ATP13A4: variants seen among roughly 807,000 people sequenced by gnomAD.
ATP13A4 encodes the protein ATPase 13A4.
ATP13A4 carries 114 observed loss-of-function variants against 142.5 expected under a neutral mutation model. That is an observed-to-expected ratio of 0.80 (90% CI 0.69 to 0.93). The LOEUF is 0.93. Among genes scored for constraint, ATP13A4 ranks in the 40% least tolerant of loss-of-function variants. ATP13A4 has a pLI of 0.00. For missense variants in ATP13A4, 1,392 were observed against 1,454.0 expected (o/e 0.96, Z 0.69); for synonymous variants, 488 against 514.8 (o/e 0.95, Z 0.70).
At chr3:193,575,362 A>C (rs1724369257) in intron 2 of ATP13A4, among the ~76,000 whole-genome samples, 1 of 152,198 alleles carries the variant, frequency 6.6e-6, no homozygotes, top group Admixed American at 6.5e-5. Context: ...TACTTTGAAA[A>C]GCCCATTAGG....
At chr3:193,490,564 C>G (rs965341707) in intron 6 of ATP13A4, among the ~76,000 whole-genome samples, 4 of 152,176 alleles carry the variant, frequency 2.6e-5, no homozygotes. Flanking sequence ...AGCTTTAATT[C>G]TGCTTTGGTC....
At chr3:193,482,228 T>C (rs897523146) in intron 8 of ATP13A4, among the ~76,000 whole-genome samples, 1 of 152,124 alleles carries the variant, frequency 6.6e-6, no homozygotes, top group African/African-American at 2.4e-5. Flanking sequence ...TATTGGAACA[T>C]TTGGATATCT....
At position 193,400,919 on chromosome 3, in the gene ATP13A4, G is replaced by A. The variant is rs1344539019; in HGVS notation, c.*1733C>T. ...AACTGCCATATCATTGCTGAGGCTG[G>A]CTTTGCAAAAGGAAACATTTCTTTC... On this transcript the variant is annotated 3_prime_UTR_variant, in exon 30 of 30. Coordinates refer to ENST00000342695, the MANE Select transcript of ATP13A4 (RefSeq NM_032279.4). 1.3e-5 allele frequency among the ~76,000 whole-genome samples: 2 copies of A among 152,172 alleles called. No individual in the cohort carries two copies. Among genetic ancestry groups the A allele is most frequent in the Non-Finnish European group, 2.9e-5 (2 of 68,022 alleles).
At chr3:193,428,648 G>A (rs554626970) in intron 25 of ATP13A4, among the ~76,000 whole-genome samples, 92 of 151,996 alleles carry the variant, frequency 6.1e-4, no homozygotes, top group African/African-American at 2.2e-3. Flanking sequence ...GTAGAGACAT[G>A]GATGAAGCTG....
At chr3:193,514,054 T>C (rs983512511) in intron 2 of ATP13A4, among the ~76,000 whole-genome samples, 1 of 152,252 alleles carries the variant, frequency 6.6e-6, no homozygotes, top group Non-Finnish European at 1.5e-5. Flanking sequence ...GAAATCGCTC[T>C]TCTTGATCAA....
At chr3:193,537,444 C>T (rs1260149114) in intron 1 of ATP13A4, among the ~76,000 whole-genome samples, 1 of 152,126 alleles carries the variant, frequency 6.6e-6, no homozygotes, top group Admixed American at 6.5e-5. Flanking sequence ...TAATGGATCA[C>T]ACATTTAAAT....
intron 1 of ATP13A4, among the ~76,000 whole-genome samples, chr3:193,526,676 C>T (rs922292941): frequency 1.3e-5 from 2 of 151,930 alleles, no homozygotes; most frequent in South Asian, 4.1e-4. Flanking sequence ...ATCCTGTAAA[C>T]TTCAAAAATA....
At chr3:193,514,475 T>C (rs1252485658) in intron 2 of ATP13A4, among the ~76,000 whole-genome samples, 1 of 150,540 alleles carries the variant, frequency 6.6e-6, no homozygotes, top group Non-Finnish European at 1.5e-5. Flanking sequence ...ATTTATCCAG[T>C]CTATCACTGA....
Position 193,421,121 on chromosome 3 carries a change from T to G in ATP13A4, c.2843-6371A>C, listed in dbSNP as rs149088236. Among the ~76,000 whole-genome samples the G allele has an allele frequency of 6.2e-3, 930 of 149,912 alleles. 59 individuals carry two copies. Among genetic ancestry groups the G allele is most frequent in the African/African-American group, 0.022 (886 of 40,874 alleles). ...AGATTCTCATCATGGCACATTATAA[T>G]AAATTGTCAAAATAAAGGACAAAGA... On this transcript the variant is annotated intron_variant, in intron 25 of 29. Transcript: ENST00000342695.
chr3:193,404,685 G>C (rs1714406416), intron 29 of ATP13A4, among the ~76,000 whole-genome samples: 1 of 152,032 alleles, frequency 6.6e-6, no homozygotes, highest in Non-Finnish European at 1.5e-5. Flanking sequence ...CGCCATGATT[G>C]AAAGTTTCTT....
At chr3:193,462,115 G>C (rs564653355) in intron 13 of ATP13A4, among the ~76,000 whole-genome samples, 7 of 151,782 alleles carry the variant, frequency 4.6e-5, no homozygotes. Context: ...TCAGCTACTC[G>C]GGAGGCTGAG....
At chr3:193,567,653 C>T (rs1165616367) in intron 2 of ATP13A4, among the ~76,000 whole-genome samples, 1 of 152,178 alleles carries the variant, frequency 6.6e-6, no homozygotes, top group African/African-American at 2.4e-5. Flanking sequence ...TCATTAAGGA[C>T]CCACCAAACT....
chr3:193,476,845 G>T (rs1476445606), intron 8 of ATP13A4, among the ~76,000 whole-genome samples: 2 of 152,058 alleles, frequency 1.3e-5, no homozygotes, highest in African/African-American at 4.8e-5. Flanking sequence ...TATCTTACAT[G>T]AGCATGGTTC....
At position 193,457,084 on chromosome 3, in the gene ATP13A4, T is replaced by C. The variant is rs557068430; in HGVS notation, c.1831A>G (p.Ile611Val). The stretch of plus-strand genomic sequence containing the variant: ...CGGTCACCTCCCATCTCTTGGACAA[T>C]GACTGTCATTCTTTGCAGTGCCGAT... ...FSSALQRMTV[I>V]VQEMGGDRLA... The change falls in exon 16 of 30, where the codon ATT becomes GTT. Residue 611 changes from isoleucine to valine, a missense_variant. Coordinates refer to ENST00000342695, the MANE Select transcript of ATP13A4 (RefSeq NM_032279.4). The C allele has an allele frequency of 8.7e-6, 14 of 1,614,024 alleles. No homozygotes were observed. The East Asian group carries it at 1.8e-4, about 21-fold the overall frequency.
intron 1 of ATP13A4, among the ~76,000 whole-genome samples, chr3:193,519,872 C>T (rs1049411972): frequency 6.6e-6 from 1 of 151,746 alleles, no homozygotes; most frequent in South Asian, 2.1e-4. Flanking sequence ...CTCGAACTCC[C>T]GACCTCAGGT....
chr3:193,405,458 A>G (rs1486820718), intron 29 of ATP13A4, among the ~76,000 whole-genome samples: 1 of 152,204 alleles, frequency 6.6e-6, no homozygotes, highest in Non-Finnish European at 1.5e-5. Flanking sequence ...TTGTTTCTCA[A>G]GAAAAGGTTC....
chr3:193,590,061 G>T (rs569258508), intron 1 of ATP13A4, among the ~76,000 whole-genome samples: 62 of 151,760 alleles, frequency 4.1e-4, no homozygotes, highest in African/African-American at 1.2e-3. Context: ...CATCCAGCAG[G>T]TTCTTCCTGC....
chr3:193,412,506 AACACAC>A (rs58979821), intron 26 of ATP13A4, 135 bp from the exon 27 acceptor site: 32,391 of 504,310 alleles, frequency 0.064, 177 homozygotes, highest in East Asian at 0.11. Context: ...TGCTTTGGAA[AACACAC>A]ACACACACAC....
intron 8 of ATP13A4, among the ~76,000 whole-genome samples, chr3:193,479,869 A>G (rs1487012137): frequency 1.3e-5 from 2 of 152,200 alleles, no homozygotes. Context: ...TTCAAACTAT[A>G]CTATAAGACC....
Sources: allele counts gnomAD v4.1 joint callset (sites outside exome capture counted in the v4.1 genomes callset), GRCh38; gene constraint gnomAD v4.1.1; transcripts MANE v1.5; gene names NCBI Gene and HGNC (gene_info 2026-07-23, HGNC 2026-07-21).